Variants in OGDH observed in about 807,000 individuals in gnomAD.
The protein encoded by OGDH is oxoglutarate dehydrogenase.
In OGDH, 38 loss-of-function variants were observed where a neutral mutation model predicts 116.6. The observed-to-expected ratio is 0.33, with a 90% CI of 0.25 to 0.43. The LOEUF (loss-of-function observed/expected upper bound fraction) is 0.43, where lower values mean the gene tolerates loss of function less well. OGDH is among the 20% of genes least tolerant of loss of function. The pLI, the probability that OGDH is intolerant of heterozygous loss-of-function variation, is 1.00. For missense variants in OGDH, 825 were observed against 1,357.2 expected (o/e 0.61, Z 6.16); for synonymous variants, 488 against 533.3 (o/e 0.92, Z 1.17).
At chr7:44,703,064 G>A (rs1414426012) in intron 20 of OGDH, among the ~76,000 whole-genome samples, 1 of 152,098 alleles carries the variant, frequency 6.6e-6, no homozygotes, top group African/African-American at 2.4e-5. Flanking sequence ...GTTTCATTTA[G>A]TATAATGTCT....
intron 4 of OGDH, among the ~76,000 whole-genome samples, chr7:44,663,442 G>A (rs968969872): frequency 4.6e-5 from 7 of 152,102 alleles, no homozygotes; most frequent in East Asian, 1.9e-4. Context: ...AGACCAGCCC[G>A]GCCAACGTGG....
At position 44,676,044 on chromosome 7, in the gene OGDH, C is replaced by T. The variant is rs754894728; in HGVS notation, c.1101C>T (p.Thr367=). The T allele has an allele frequency of 6.2e-7, 1 of 1,614,098 alleles. No individual in the cohort carries two copies. The highest frequency in any genetic ancestry group is 1.1e-5 in the South Asian group (1 of 91,070). Residue 367 remains threonine (T), a synonymous_variant, in exon 9 of 23, where the codon ACC becomes ACT. Transcript: ENST00000222673. The stretch of plus-strand genomic sequence containing the variant: ...ATCGTGTCACCGACAGGAACATTAC[C>T]TTGTCCTTGGTGGCCAACCCTTCCC... ...RINRVTDRNI[T]LSLVANPSHL...
rs770015941 is a variant in OGDH at position 44,696,141 on chromosome 7, C to T, written c.1771+14C>T. On this transcript the variant is annotated intron_variant, in intron 13 of 22. Transcript: ENST00000222673. ...CTCCCTGGCCTGGTGAGTGAAGAAA[C>T]AGTGCCACAAATAAGCTCCTTTGAG... 2.6e-6 allele frequency: 4 copies of T among 1,528,788 alleles called. No individual in the cohort carries two copies. The East Asian group carries it at 6.7e-5, about 26-fold the overall frequency. The allele number at this position is 1,528,788 out of a possible 1,614,324, so 94.7% of individuals were successfully genotyped here. A position where few individuals can be genotyped will look rare whatever the true frequency, so the allele number is the denominator to read the frequency against.
At chr7:44,689,289 C>T (rs1435981975) in intron 10 of OGDH, among the ~76,000 whole-genome samples, 1 of 144,068 alleles carries the variant, frequency 6.9e-6, no homozygotes, top group African/African-American at 2.6e-5. Context: ...AGTCTTAGCT[C>T]ACTGCAACTT....
chr7:44,648,415 G>A (rs1470043570), intron 4 of OGDH, among the ~76,000 whole-genome samples: 1 of 152,176 alleles, frequency 6.6e-6, no homozygotes, highest in African/African-American at 2.4e-5. Flanking sequence ...AAGTGAGGTG[G>A]GTGTTGTGGC....
intron 9 of OGDH, among the ~76,000 whole-genome samples, chr7:44,677,904 CCAATTATTACTTTA>C (rs1787769021): frequency 1.3e-5 from 2 of 151,090 alleles, no homozygotes; most frequent in Admixed American, 1.3e-4. Flanking sequence ...AGAAGTGGAA[CCAATTATTACTTTA>C]CCAGGCTCTA....
chr7:44,679,071 C>T (rs1787817406), intron 9 of OGDH, among the ~76,000 whole-genome samples: 1 of 152,146 alleles, frequency 6.6e-6, no homozygotes. Flanking sequence ...AAGGAGATTC[C>T]CCATGTGTCC....
intron 2 of OGDH, among the ~76,000 whole-genome samples, chr7:44,637,748 G>C (rs936045288): frequency 1.2e-4 from 19 of 152,050 alleles, no homozygotes; most frequent in African/African-American, 4.3e-4. Context: ...ATGGGGGTTG[G>C]GGGGTGGTTG....
In OGDH at chr7:44,647,710, T is replaced by A; in HGVS notation, c.468T>A (p.Asp156Glu). 6.2e-7 allele frequency: 1 copy of A among 1,614,080 alleles called. No individual in the cohort carries two copies. The highest frequency in any genetic ancestry group is 8.5e-7 in the Non-Finnish European group (1 of 1,180,002). Reference protein sequence around the residue: ...QLDPLGILDADLDSSVPADII... With the variant: ...QLDPLGILDAELDSSVPADII... ...ACCCCCTGGGGATTTTGGATGCTGATCTGGACTCCTCCGTGCCCGCTGACA... is the reference window on the plus strand; with the variant it reads ...ACCCCCTGGGGATTTTGGATGCTGAACTGGACTCCTCCGTGCCCGCTGACA... Residue 156 changes from aspartate to glutamate, a missense_variant, in exon 4 of 23, where the codon GAT (aspartate) becomes GAA (glutamate). This residue lies in a region of OGDH where 171 missense variants were observed against 276.8 expected (regional missense o/e 0.62). Transcript: ENST00000222673.
intron 4 of OGDH, among the ~76,000 whole-genome samples, chr7:44,656,003 A>G (rs556582291): frequency 6.6e-6 from 1 of 152,282 alleles, no homozygotes; most frequent in Non-Finnish European, 1.5e-5. Flanking sequence ...CACTTCTTGA[A>G]GCTAAGGAGA....
intron 3 of OGDH, 34 bp from the exon 4 acceptor site, chr7:44,647,623 T>C (rs1786247382): frequency 1.3e-6 from 2 of 1,592,548 alleles, no homozygotes; most frequent in South Asian, 2.2e-5. Context: ...TCCTTTTGTG[T>C]GTGTCCTTCC....
chr7:44,645,066 G>A (rs1197573357), intron 2 of OGDH, among the ~76,000 whole-genome samples: 2 of 152,184 alleles, frequency 1.3e-5, no homozygotes, highest in Admixed American at 1.3e-4. Context: ...TTGATGGAAG[G>A]CGGCCACAGG....
intron 1 of OGDH, among the ~76,000 whole-genome samples, chr7:44,610,109 C>T (rs775017552): frequency 6.6e-6 from 1 of 152,040 alleles, no homozygotes; most frequent in Non-Finnish European, 1.5e-5. Context: ...GCCACCATGC[C>T]TGGCCCCTGT....
Position 44,645,317 on chromosome 7 carries a change from TTG to T in OGDH, c.223-8_223-7del. On this transcript the variant is annotated splice_region_variant and splice_polypyrimidine_tract_variant and intron_variant, in intron 2 of 22. Transcript: ENST00000222673. ...GCAGTGAGGTAACCCTGTACCTTCTTTGTCTTTAGTCATGGGACATTTTTTTT... is the reference window on the plus strand; with the variant it reads ...GCAGTGAGGTAACCCTGTACCTTCTTTCTTTAGTCATGGGACATTTTTTTT... 1 of 1,613,188 alleles carries T rather than the reference TTG, an allele frequency of 6.2e-7. No individual in the cohort carries two copies. The highest frequency in any genetic ancestry group is 8.5e-7 in the Non-Finnish European group (1 of 1,179,398).
At chr7:44,633,448 A>G (rs1354789582) in intron 2 of OGDH, among the ~76,000 whole-genome samples, 1 of 152,126 alleles carries the variant, frequency 6.6e-6, no homozygotes, top group African/African-American at 2.4e-5. Context: ...GGTGGCGGTG[A>G]GAAATTACTA....
Position 44,694,939 on chromosome 7 carries a change from G to A in OGDH, c.1668+363G>A, listed in dbSNP as rs573893249. Among the ~76,000 whole-genome samples the A allele has an allele frequency of 3.0e-4, 46 of 152,230 alleles. No homozygotes were observed. Among genetic ancestry groups the A allele is most frequent in the Non-Finnish European group, 4.9e-4 (33 of 68,008 alleles). On this transcript the variant is annotated intron_variant, in intron 12 of 22. Transcript: ENST00000222673. This position sits in a 1 kb window ranked among gnomAD's most constrained non-coding sequence, Gnocchi z 4.2. Reference sequence around the variant, plus strand: ...TAATCTGGATAGTAAGTGCTGGTTGGTTGTGAGTGGGAAGGCCAAGCAGCT... The same window carrying A: ...TAATCTGGATAGTAAGTGCTGGTTGATTGTGAGTGGGAAGGCCAAGCAGCT...
intron 5 of OGDH, among the ~76,000 whole-genome samples, chr7:44,669,020 T>G (rs1436280889): frequency 6.6e-6 from 1 of 152,168 alleles, no homozygotes; most frequent in Admixed American, 6.5e-5. Flanking sequence ...GCTCATGTGT[T>G]CCACCCAGTT....
chr7:44,663,765 T>C (rs1300766221), intron 4 of OGDH, among the ~76,000 whole-genome samples: 2 of 151,840 alleles, frequency 1.3e-5, no homozygotes, highest in Non-Finnish European at 2.9e-5. Flanking sequence ...CAGAGCGAGA[T>C]GCTATCTCAA....
At chr7:44,645,126 AGTT>A (rs1470110224) in intron 2 of OGDH, among the ~76,000 whole-genome samples, 198 bp from the exon 3 acceptor site, 1 of 152,094 alleles carries the variant, frequency 6.6e-6, no homozygotes, top group African/African-American at 2.4e-5. Context: ...CGAAGACAAA[AGTT>A]GTGGAAAGCA....
Sources: allele counts gnomAD v4.1 joint callset (sites outside exome capture counted in the v4.1 genomes callset), GRCh38; gene constraint gnomAD v4.1.1; regional missense constraint gnomAD v4.1.1; non-coding constraint Gnocchi (gnomAD v3.1); transcripts MANE v1.5; gene names NCBI Gene and HGNC (gene_info 2026-07-23, HGNC 2026-07-21).